Variants in RAB11FIP3 observed in about 807,000 individuals in gnomAD.
RAB11FIP3 encodes the protein rab11 family-interacting protein 3.
A neutral mutation model predicts 77.8 loss-of-function variants in RAB11FIP3; 17 were observed. The observed-to-expected ratio is 0.22, with a 90% CI of 0.15 to 0.33. The LOEUF (loss-of-function observed/expected upper bound fraction) is 0.33, where lower values mean the gene tolerates loss of function less well. RAB11FIP3 is among the 10% of genes least tolerant of loss of function. The probability of loss-of-function intolerance (pLI) is 1.00; values close to 1 mark genes in which losing one functional copy is unlikely to be tolerated. For missense variants in RAB11FIP3, 1,005 were observed against 1,011.2 expected, an observed-to-expected ratio of 0.99 and a Z score of 0.08; for synonymous variants, 437 against 448.2, an observed-to-expected ratio of 0.98 and a Z score of 0.31.
In RAB11FIP3 at chr16:472,376, G is replaced by A. The variant is rs912214927; in HGVS notation, c.903+987G>A. 2.6e-5 allele frequency among the ~76,000 whole-genome samples: 4 copies of A among 152,220 alleles called. No individual in the cohort carries two copies. The highest frequency in any genetic ancestry group is 1.3e-4 in the Admixed American group (2 of 15,280). Reference sequence around the variant, plus strand: ...AGCTTCTGGGGCCAGGGCGCCCACCGTGGGTCCCATGTTTGGCCTTGGTGT... The same window carrying A: ...AGCTTCTGGGGCCAGGGCGCCCACCATGGGTCCCATGTTTGGCCTTGGTGT... On this transcript the variant is annotated intron_variant, in intron 3 of 13. Coordinates refer to ENST00000262305, the MANE Select transcript of RAB11FIP3 (RefSeq NM_014700.4). This position sits in a 1 kb window ranked among gnomAD's most constrained non-coding sequence, Gnocchi z 4.1.
intron 2 of RAB11FIP3, among the ~76,000 whole-genome samples, chr16:470,698 T>C (rs2055792381): frequency 6.6e-6 from 1 of 152,180 alleles, no homozygotes; most frequent in Non-Finnish European, 1.5e-5. Flanking sequence ...GTTTGCAAAG[T>C]GATGACTGTA....
At chr16:467,934 G>A (rs2055736203) in intron 2 of RAB11FIP3, among the ~76,000 whole-genome samples, 1 of 134,944 alleles carries the variant, frequency 7.4e-6, no homozygotes, top group African/African-American at 2.9e-5. Context: ...CAGGGAGGAG[G>A]TGCAGGGGCG....
chr16:434,983 A>T (rs1266165980), intron 1 of RAB11FIP3, among the ~76,000 whole-genome samples: 4 of 152,162 alleles, frequency 2.6e-5, no homozygotes, highest in Non-Finnish European at 4.4e-5. Flanking sequence ...AGGCAGGTGG[A>T]TCACGAGGTC....
intron 1 of RAB11FIP3, among the ~76,000 whole-genome samples, chr16:449,006 G>A (rs1481962063): frequency 6.6e-6 from 1 of 152,156 alleles, no homozygotes; most frequent in Non-Finnish European, 1.5e-5. Context: ...TAAGATGGCT[G>A]TGGTAGGCCA....
At position 472,752 on chromosome 16, in the gene RAB11FIP3, G is replaced by A. The variant is rs541376834; in HGVS notation, c.903+1363G>A. Reference sequence around the variant, plus strand: ...ATGTATGGTGCAGTGGCTGAAGAGTGGCCTCTCAAAAGATATGTCCACCCA... The same window carrying A: ...ATGTATGGTGCAGTGGCTGAAGAGTAGCCTCTCAAAAGATATGTCCACCCA... On this transcript the variant is annotated intron_variant, in intron 3 of 13. Transcript: ENST00000262305. This position sits in a 1 kb window ranked among gnomAD's most constrained non-coding sequence, Gnocchi z 4.1. Among the ~76,000 whole-genome samples the A allele has an allele frequency of 2.0e-5, 3 of 152,290 alleles. No individual in the cohort carries two copies. The highest frequency in any genetic ancestry group is 7.2e-5 in the African/African-American group (3 of 41,558).
intron 1 of RAB11FIP3, among the ~76,000 whole-genome samples, chr16:447,282 G>A (rs2055332732): frequency 6.6e-6 from 1 of 152,076 alleles, no homozygotes; most frequent in Non-Finnish European, 1.5e-5. Flanking sequence ...TCTAGCCTGG[G>A]CAGTAGAGTA....
At chr16:440,873 C>T (rs2055213237) in intron 1 of RAB11FIP3, among the ~76,000 whole-genome samples, 1 of 152,064 alleles carries the variant, frequency 6.6e-6, no homozygotes, top group Non-Finnish European at 1.5e-5. Flanking sequence ...GCCTGGCTGC[C>T]CTCTTCCCAC....
At chr16:448,031 G>A (rs1211755413) in intron 1 of RAB11FIP3, among the ~76,000 whole-genome samples, 4 of 152,006 alleles carry the variant, frequency 2.6e-5, no homozygotes, top group Admixed American at 6.6e-5. Flanking sequence ...ATGAAAAAGC[G>A]TATTGTCCAG....
At chr16:430,323 A>G (rs1003241826) in intron 1 of RAB11FIP3, among the ~76,000 whole-genome samples, 2 of 152,258 alleles carry the variant, frequency 1.3e-5, no homozygotes, top group East Asian at 3.9e-4. Context: ...TTTAAAGATT[A>G]TAACTGTAAT....
At chr16:493,439 G>C (rs1185020634) in intron 5 of RAB11FIP3, among the ~76,000 whole-genome samples, 7 of 152,072 alleles carry the variant, frequency 4.6e-5, no homozygotes, top group Non-Finnish European at 1.5e-5. Context: ...TTTGTGGGTG[G>C]CAACAGGTGA....
chr16:433,692 CAAAA>C (rs879788474), intron 1 of RAB11FIP3, among the ~76,000 whole-genome samples: 4 of 134,108 alleles, frequency 3.0e-5, no homozygotes, highest in Non-Finnish European at 4.9e-5. Flanking sequence ...ACTAAAAATA[CAAAA>C]AAAAAAAAAA....
At position 519,751 on chromosome 16, in the gene RAB11FIP3, CAGG is replaced by C. The variant is rs2032586044; in HGVS notation, c.1723_1725del (p.Glu575del). 1.9e-6 allele frequency: 3 copies of C among 1,612,030 alleles called. No homozygotes were observed. Among genetic ancestry groups the C allele is most frequent in the African/African-American group, 1.3e-5 (1 of 74,930 alleles). On this transcript the variant is annotated splice_acceptor_variant and coding_sequence_variant, in exon 11 of 14. Transcript: ENST00000262305. LOFTEE classifies it high-confidence loss of function. ...CATCCAGGGCAGGTGTCCACCCCTG[CAGG>C]AGAAGCAGAAGCTGTTGGATGAGAT... is the stretch of plus-strand genomic sequence containing the variant.
intron 1 of RAB11FIP3, among the ~76,000 whole-genome samples, chr16:436,625 A>T (rs1160437544): frequency 6.6e-6 from 1 of 151,998 alleles, no homozygotes; most frequent in African/African-American, 2.4e-5. Context: ...GGGACTATAA[A>T]TGCCTGCCAG....
Position 425,948 on chromosome 16 carries a change from C to A in RAB11FIP3, c.-59C>A. On this transcript the variant is annotated 5_prime_UTR_variant, in exon 1 of 14. Coordinates refer to ENST00000262305, the MANE Select transcript of RAB11FIP3 (RefSeq NM_014700.4). ...GAGGGGATGCCCGCGCCCGCCGCCG[C>A]GCCCTGAGCGCCTTTGTCTGCCGCC... 2 of 733,596 alleles carry A rather than the reference C, an allele frequency of 2.7e-6. No homozygotes were observed. The highest frequency in any genetic ancestry group is 3.3e-6 in the Non-Finnish European group (2 of 608,278). The allele number at this position is 733,596 out of a possible 1,614,324, so 45.4% of individuals were successfully genotyped here. A position where few individuals can be genotyped will look rare whatever the true frequency, so the allele number is the denominator to read the frequency against.
Position 522,732 on chromosome 16 carries a change from AAGGTGGGGC to A in RAB11FIP3, c.*1903_*1911del, listed in dbSNP as rs2032751842. 6.6e-6 allele frequency: 1 copy of A among 152,278 alleles called. No homozygotes were observed. Among genetic ancestry groups the A allele is most frequent in the South Asian group, 2.1e-4 (1 of 4,834 alleles). 9.4% of individuals were successfully genotyped at this position (152,278 alleles called of 1,614,324 possible). Reference sequence around the variant, plus strand: ...CCTGACGAGCTGCTGAGACAGCATCAAGGTGGGGCAGGTGGGGCGGGGCAAATTGGGCAG... The same window carrying A: ...CCTGACGAGCTGCTGAGACAGCATCAAGGTGGGGCGGGGCAAATTGGGCAG... On this transcript the variant is annotated 3_prime_UTR_variant, in exon 14 of 14. Transcript: ENST00000262305.
rs765254170 is a variant in RAB11FIP3 at position 519,786 on chromosome 16, G to A, written c.1755G>A (p.Ser585=). 34 of 1,611,658 alleles carry A rather than the reference G, an allele frequency of 2.1e-5. No homozygotes were observed. The highest frequency in any genetic ancestry group is 1.7e-4 in the Middle Eastern group (1 of 6,014). ...AGAAGCTGTTGGATGAGATAGAGTC[G>A]CTGACGCTGCGGCTCAGTGAAGAGC... ...EKQKLLDEIE[S]LTLRLSEEQE... Residue 585 remains serine (S), a synonymous_variant, in exon 11 of 14, where the codon TCG becomes TCA. Coordinates refer to ENST00000262305, the MANE Select transcript of RAB11FIP3 (RefSeq NM_014700.4).
rs2055333719 is a variant in RAB11FIP3 at position 447,335 on chromosome 16, GAGATGGCGTCTCGCTC to G, written c.715-14068_715-14053del. On this transcript the variant is annotated intron_variant, in intron 1 of 13. Transcript: ENST00000262305. ...AGGAAAAAAGAGAGTCAGAGAGAGA[GAGATGGCGTCTCGCTC>G]TGTCACTCAGGCTGGAGTTCAGTGG... 5.3e-5 allele frequency among the ~76,000 whole-genome samples: 8 copies of G among 152,064 alleles called. No homozygotes were observed. The South Asian group carries it at 1.7e-3, about 32-fold the overall frequency.
chr16:504,969 T>C (rs2031794983), intron 7 of RAB11FIP3, among the ~76,000 whole-genome samples: 1 of 124,810 alleles, frequency 8.0e-6, no homozygotes. Flanking sequence ...CCTCCTGTAC[T>C]TCACCTCCTC....
chr16:457,904 T>C (rs13335388), intron 1 of RAB11FIP3, among the ~76,000 whole-genome samples: 6,342 of 152,272 alleles, frequency 0.042, 432 homozygotes, highest in African/African-American at 0.14. Flanking sequence ...AGCTTAGGAA[T>C]GAGGACTTTT....
Sources: allele counts gnomAD v4.1 joint callset (sites outside exome capture counted in the v4.1 genomes callset), GRCh38; gene constraint gnomAD v4.1.1; non-coding constraint Gnocchi (gnomAD v3.1); transcripts MANE v1.5; gene names NCBI Gene and HGNC (gene_info 2026-07-23, HGNC 2026-07-21).